SOX5: variants seen among roughly 807,000 people sequenced by gnomAD.
The protein encoded by SOX5 is SRY-box transcription factor 5.
Under a neutral mutation model 92.0 loss-of-function variants are expected in SOX5, and 9 were observed. The ratio of observed to expected loss-of-function variants is 0.10; its 90% CI spans 0.06 to 0.17. SOX5 has a LOEUF of 0.17. Among genes scored for constraint, SOX5 ranks in the 10% least tolerant of loss-of-function variants. SOX5 has a pLI of 1.00. For missense variants in SOX5, 642 were observed against 944.5 expected, an observed-to-expected ratio of 0.68 and a Z score of 4.20; for synonymous variants, 344 against 336.3, an observed-to-expected ratio of 1.02 and a Z score of -0.25.
At chr12:23,714,838 T>C (rs2092362204) in intron 6 of SOX5, among the ~76,000 whole-genome samples, 1 of 152,230 alleles carries the variant, frequency 6.6e-6, no homozygotes, top group South Asian at 2.1e-4. Flanking sequence ...GCTTGAATTT[T>C]AGTCATACTT....
chr12:24,324,009 C>A (rs1288526630), intron 2 of SOX5, among the ~76,000 whole-genome samples: 4 of 152,104 alleles, frequency 2.6e-5, no homozygotes, highest in Non-Finnish European at 5.9e-5. Flanking sequence ...CCACAAATTA[C>A]AAGGGCAGCT....
chr12:23,602,026 T>C (rs2074567312), intron 9 of SOX5, among the ~76,000 whole-genome samples: 1 of 152,166 alleles, frequency 6.6e-6, no homozygotes, highest in Non-Finnish European at 1.5e-5. Flanking sequence ...TGGAAAGAAG[T>C]ACAACACCCA....
chr12:24,057,389 G>A (rs1031672141), intron 4 of SOX5, among the ~76,000 whole-genome samples: 51 of 152,268 alleles, frequency 3.3e-4, no homozygotes, highest in African/African-American at 1.2e-3. Flanking sequence ...TTCCTATGAA[G>A]AAACTCAGGC....
chr12:24,526,391 C>G (rs1950713873), intron 1 of SOX5, among the ~76,000 whole-genome samples: 1 of 152,082 alleles, frequency 6.6e-6, no homozygotes, highest in South Asian at 2.1e-4. Flanking sequence ...GAAAGAGACT[C>G]TAGGACCCAG....
At chr12:24,045,789 TC>T (rs1430101707) in intron 4 of SOX5, among the ~76,000 whole-genome samples, 3 of 152,230 alleles carry the variant, frequency 2.0e-5, no homozygotes, top group African/African-American at 4.8e-5. Flanking sequence ...TACAGGGGAA[TC>T]CTTTACACAT....
At chr12:24,290,190 GT>G (rs1333193380) in intron 2 of SOX5, among the ~76,000 whole-genome samples, 1 of 152,148 alleles carries the variant, frequency 6.6e-6, no homozygotes, top group Non-Finnish European at 1.5e-5. Flanking sequence ...TAAGCATACT[GT>G]TTTTAACAGA....
At chr12:24,406,218 C>G (rs1004401690) in intron 1 of SOX5, among the ~76,000 whole-genome samples, 1 of 152,128 alleles carries the variant, frequency 6.6e-6, no homozygotes, top group Non-Finnish European at 1.5e-5. Flanking sequence ...GCGGTATTCA[C>G]AAGACACCAA....
At chr12:24,510,866 A>G (rs1949241551) in intron 1 of SOX5, among the ~76,000 whole-genome samples, 1 of 152,202 alleles carries the variant, frequency 6.6e-6, no homozygotes, top group Non-Finnish European at 1.5e-5. Context: ...GAGTACCCAC[A>G]GTGAATAGCA....
intron 9 of SOX5, among the ~76,000 whole-genome samples, chr12:23,596,719 C>T (rs1478196946): frequency 6.6e-6 from 1 of 152,128 alleles, no homozygotes; most frequent in African/African-American, 2.4e-5. Context: ...AAAAGAGTAA[C>T]TACAGAAACG....
chr12:23,667,592 C>T (rs1186858902), intron 6 of SOX5, among the ~76,000 whole-genome samples: 1 of 152,036 alleles, frequency 6.6e-6, no homozygotes, highest in Admixed American at 6.6e-5. Context: ...CCTAGCTTGG[C>T]CCAATAAATT....
At chr12:23,703,657 G>T (rs2090976700) in intron 6 of SOX5, among the ~76,000 whole-genome samples, 1 of 151,616 alleles carries the variant, frequency 6.6e-6, no homozygotes, top group Non-Finnish European at 1.5e-5. Context: ...ATAAATTAGG[G>T]ATAGACAAAA....
At chr12:24,350,720 T>C (rs1953968798) in intron 2 of SOX5, among the ~76,000 whole-genome samples, 1 of 152,132 alleles carries the variant, frequency 6.6e-6, no homozygotes, top group Non-Finnish European at 1.5e-5. Flanking sequence ...GGTGTGTATA[T>C]GTGTGTGAGC....
intron 4 of SOX5, among the ~76,000 whole-genome samples, chr12:24,044,039 T>C (rs1417132839): frequency 3.3e-5 from 5 of 152,224 alleles, no homozygotes; most frequent in Non-Finnish European, 7.3e-5. Context: ...AAATAAATTG[T>C]CATCATTGTT....
chr12:23,662,023 C>T (rs916909725), intron 7 of SOX5, among the ~76,000 whole-genome samples: 14 of 152,120 alleles, frequency 9.2e-5, no homozygotes, highest in Non-Finnish European at 2.1e-4. Context: ...GATTATTCAA[C>T]TAATTTTTTT....
rs567396080 is a variant in SOX5, at chr12:23,940,657, C to A, written c.38+8907G>T. On this transcript the variant is annotated intron_variant, in intron 1 of 14. Coordinates refer to ENST00000451604, the MANE Select transcript of SOX5 (RefSeq NM_006940.6). ...GCTAATAGCGCTTTGTACTATGTTA[C>A]ATTTCCAAAAGAATCAATGAAGATA... 1.6e-3 allele frequency among the ~76,000 whole-genome samples: 243 copies of A among 150,950 alleles called. 2 individuals carry two copies. Among genetic ancestry groups the A allele is most frequent in the African/African-American group, 5.4e-3 (225 of 41,304 alleles).
intron 4 of SOX5, among the ~76,000 whole-genome samples, chr12:23,970,841 A>ATAATTTTTAAT: frequency 9.1e-5 from 2 of 21,878 alleles, no homozygotes; most frequent in East Asian, 1.7e-3. Context: ...TATATATATA[A>ATAATTTTTAAT]TTTTTTTTTT....
At chr12:23,580,720 C>G (rs190718832) in intron 9 of SOX5, among the ~76,000 whole-genome samples, 53 of 152,098 alleles carry the variant, frequency 3.5e-4, no homozygotes, top group Middle Eastern at 6.8e-3. Flanking sequence ...CTGGGATGTT[C>G]CATTTACATA....
chr12:24,266,261 TA>T (rs1943010247), intron 3 of SOX5, among the ~76,000 whole-genome samples: 1 of 152,180 alleles, frequency 6.6e-6, no homozygotes, highest in Admixed American at 6.5e-5. Context: ...GTGTTACTAT[TA>T]ACACTATATC....
chr12:24,241,938 G>C (rs1965634815), intron 3 of SOX5, among the ~76,000 whole-genome samples: 1 of 152,012 alleles, frequency 6.6e-6, no homozygotes, highest in South Asian at 2.1e-4. Flanking sequence ...AGTGAATTTA[G>C]GCACTTAGAA....
Sources: gnomAD v4.1 joint callset for allele counts (sites outside exome capture counted in the v4.1 genomes callset) on GRCh38, gnomAD v4.1.1 for gene constraint, MANE v1.5 for transcripts, NCBI Gene and HGNC (gene_info 2026-07-23, HGNC 2026-07-21) for gene names.